Variants in MDGA2 observed in about 807,000 individuals in gnomAD.
MDGA2 encodes the protein MAM domain-containing glycosylphosphatidylinositol anchor protein 2.
Under a neutral mutation model 117.8 loss-of-function variants are expected in MDGA2, and 40 were observed. That is an observed-to-expected ratio of 0.34 (90% CI 0.26 to 0.44). MDGA2 has a LOEUF of 0.44. Among genes scored for constraint, MDGA2 ranks in the 20% least tolerant of loss-of-function variants. MDGA2 has a pLI of 1.00. For synonymous variants in MDGA2, 452 were observed against 439.0 expected (o/e 1.03, Z -0.37); for missense variants, 1,123 against 1,250.6 (o/e 0.90, Z 1.54).
intron 1 of MDGA2, among the ~76,000 whole-genome samples, chr14:47,546,264 G>A (rs1594910452): frequency 6.6e-6 from 1 of 152,212 alleles, no homozygotes; most frequent in Admixed American, 6.5e-5. Context: ...AGGAAATAGA[G>A]ACTAATAAGA....
chr14:47,250,023 G>A (rs1029488475), intron 2 of MDGA2, among the ~76,000 whole-genome samples: 2 of 152,176 alleles, frequency 1.3e-5, no homozygotes, highest in African/African-American at 4.8e-5. Flanking sequence ...TGTTTAAAAA[G>A]CATCAGAATG....
chr14:47,274,174 G>T (rs1462229621), intron 2 of MDGA2, among the ~76,000 whole-genome samples: 1 of 151,836 alleles, frequency 6.6e-6, no homozygotes, highest in East Asian at 1.9e-4. Flanking sequence ...AGAACATTTT[G>T]GTTCCCTCTA....
intron 1 of MDGA2, among the ~76,000 whole-genome samples, chr14:47,340,203 G>T (rs1014743582): frequency 6.6e-6 from 1 of 151,942 alleles, no homozygotes; most frequent in African/African-American, 2.4e-5. Context: ...AATTTTCTCA[G>T]CACAACCAGA....
chr14:47,545,292 G>A (rs1381742174), intron 1 of MDGA2, among the ~76,000 whole-genome samples: 2 of 152,114 alleles, frequency 1.3e-5, no homozygotes, highest in African/African-American at 4.8e-5. Flanking sequence ...TGGTTGAGAA[G>A]CAGTTTAAAT....
At chr14:47,105,966 C>T (rs982315305) in intron 5 of MDGA2, among the ~76,000 whole-genome samples, 9 of 20,704 alleles carry the variant, frequency 4.3e-4, no homozygotes, top group Admixed American at 2.8e-3. Flanking sequence ...AGTTTCGTTC[C>T]GTGACTAGCC....
intron 1 of MDGA2, among the ~76,000 whole-genome samples, chr14:47,307,793 C>G (rs1053435765): frequency 2.6e-5 from 4 of 152,040 alleles, no homozygotes; most frequent in Non-Finnish European, 5.9e-5. Flanking sequence ...CAAGTTGTTG[C>G]TGGACATTAA....
intron 1 of MDGA2, among the ~76,000 whole-genome samples, chr14:47,634,596 T>A (rs1238971743): frequency 6.6e-6 from 1 of 152,160 alleles, no homozygotes; most frequent in Non-Finnish European, 1.5e-5. Flanking sequence ...TTTTTAGCTT[T>A]TCTAAGCTAT....
At chr14:47,352,959 G>T (rs981656254) in intron 1 of MDGA2, among the ~76,000 whole-genome samples, 1 of 152,166 alleles carries the variant, frequency 6.6e-6, no homozygotes, top group African/African-American at 2.4e-5. Flanking sequence ...AAAAGAAAAA[G>T]AATATTTTGA....
chr14:47,440,721 G>A (rs897089847), intron 1 of MDGA2, among the ~76,000 whole-genome samples: 2 of 151,984 alleles, frequency 1.3e-5, no homozygotes, highest in Admixed American at 6.6e-5. Flanking sequence ...AAAGGGAATT[G>A]TCAAAATATA....
intron 1 of MDGA2, among the ~76,000 whole-genome samples, chr14:47,580,515 TCAA>T (rs1218794982): frequency 6.6e-6 from 1 of 151,906 alleles, no homozygotes; most frequent in East Asian, 1.9e-4. Context: ...TGTCACCATA[TCAA>T]CAAGATTCCA....
intron 9 of MDGA2, among the ~76,000 whole-genome samples, chr14:46,943,193 G>A (rs868158527): frequency 2.0e-5 from 3 of 152,020 alleles, no homozygotes; most frequent in Middle Eastern, 3.4e-3. Context: ...TCTGGTAATA[G>A]TACAGCCATG....
At chr14:47,592,998 G>A (rs1339376054) in intron 1 of MDGA2, among the ~76,000 whole-genome samples, 1 of 151,706 alleles carries the variant, frequency 6.6e-6, no homozygotes, top group Non-Finnish European at 1.5e-5. Context: ...TCTGACAAAG[G>A]GCTCATATCC....
At chr14:46,887,679 T>A (rs1219704034) in intron 10 of MDGA2, among the ~76,000 whole-genome samples, 1 of 151,886 alleles carries the variant, frequency 6.6e-6, no homozygotes, top group African/African-American at 2.4e-5. Flanking sequence ...TAGTTAATAC[T>A]AGGTATTATG....
intron 9 of MDGA2, among the ~76,000 whole-genome samples, chr14:46,933,296 A>G (rs1884648517): frequency 6.6e-6 from 1 of 152,076 alleles, no homozygotes; most frequent in South Asian, 2.1e-4. Context: ...GTAATCAGCA[A>G]AATAATAATA....
intron 1 of MDGA2, among the ~76,000 whole-genome samples, chr14:47,418,067 T>G (rs919558567): frequency 2.6e-5 from 4 of 151,852 alleles, no homozygotes; most frequent in African/African-American, 9.7e-5. Flanking sequence ...TTAGGGTACT[T>G]TTTAATTTTT....
chr14:47,492,157 C>T (rs1228701220), intron 1 of MDGA2, among the ~76,000 whole-genome samples: 1 of 152,108 alleles, frequency 6.6e-6, no homozygotes, highest in Non-Finnish European at 1.5e-5. Flanking sequence ...CCCAATTGTG[C>T]ATTTGCTTAC....
At chr14:47,406,893 G>A (rs1193095920) in intron 1 of MDGA2, among the ~76,000 whole-genome samples, 1 of 151,850 alleles carries the variant, frequency 6.6e-6, no homozygotes, top group East Asian at 1.9e-4. Flanking sequence ...ACAATTTGAT[G>A]TTTTTTCTTA....
chr14:47,339,028 G>GA (rs533832955), intron 1 of MDGA2, among the ~76,000 whole-genome samples: 12 of 151,852 alleles, frequency 7.9e-5, no homozygotes, highest in East Asian at 3.9e-4. Context: ...TATTTAGAAA[G>GA]AAAAAAATGT....
chr14:46,950,562 T>A (rs912633091), intron 9 of MDGA2, among the ~76,000 whole-genome samples: 4 of 151,978 alleles, frequency 2.6e-5, no homozygotes, highest in Non-Finnish European at 5.9e-5. Flanking sequence ...AGTCCATCTG[T>A]TATCATCATA....
Sources: allele counts gnomAD v4.1 joint callset (sites outside exome capture counted in the v4.1 genomes callset), GRCh38; gene constraint gnomAD v4.1.1; transcripts MANE v1.5; gene names NCBI Gene and HGNC (gene_info 2026-07-23, HGNC 2026-07-21).